The following DLEU7 variants were observed in gnomAD, a reference collection of about 807,000 sequenced individuals.
DLEU7 encodes leukemia-associated protein 7.
In DLEU7, 17 loss-of-function variants were observed where a neutral mutation model predicts 16.0. The ratio of observed to expected loss-of-function variants is 1.06; its 90% CI spans 0.73 to 1.59. The LOEUF is 1.59. DLEU7 is among the 40% of genes most tolerant of loss of function. The pLI, the probability that DLEU7 is intolerant of heterozygous loss-of-function variation, is 0.00. For synonymous variants in DLEU7, 113 were observed against 139.8 expected, an observed-to-expected ratio of 0.81 and a Z score of 1.35; for missense variants, 308 against 314.9, an observed-to-expected ratio of 0.98 and a Z score of 0.17.
At chr13:50,789,011 A>G (rs1424909849) in intron 1 of DLEU7, among the ~76,000 whole-genome samples, 3 of 152,140 alleles carry the variant, frequency 2.0e-5, no homozygotes, top group Non-Finnish European at 2.9e-5. Flanking sequence ...GCTGTAAATA[A>G]TGGCTTCAAT....
At chr13:50,813,751 A>C (rs1876640373) in intron 1 of DLEU7, among the ~76,000 whole-genome samples, 1 of 152,152 alleles carries the variant, frequency 6.6e-6, no homozygotes, top group African/African-American at 2.4e-5. Flanking sequence ...AGGGATTACC[A>C]ATCTCACCTG....
At chr13:50,814,645 G>T (rs1311452618) in intron 1 of DLEU7, among the ~76,000 whole-genome samples, 1 of 146,312 alleles carries the variant, frequency 6.8e-6, no homozygotes, top group African/African-American at 2.5e-5. Flanking sequence ...TGATTGTGGT[G>T]GTAGTTATAC....
At chr13:50,803,814 T>C (rs1046396022) in intron 1 of DLEU7, among the ~76,000 whole-genome samples, 2 of 152,212 alleles carry the variant, frequency 1.3e-5, no homozygotes, top group African/African-American at 4.8e-5. Flanking sequence ...AGTGCTAGTC[T>C]ACTATGTGAG....
intron 1 of DLEU7, among the ~76,000 whole-genome samples, chr13:50,717,496 G>C (rs1298062056): frequency 6.6e-6 from 1 of 151,792 alleles, no homozygotes; most frequent in African/African-American, 2.4e-5. Flanking sequence ...AGTACATTTT[G>C]CAAACTGGAG....
At chr13:50,763,113 A>C (rs533822383) in intron 1 of DLEU7, among the ~76,000 whole-genome samples, 6 of 152,260 alleles carry the variant, frequency 3.9e-5, no homozygotes, top group African/African-American at 1.4e-4. Context: ...CTGCACGCAG[A>C]GGGACAATGA....
intron 1 of DLEU7, among the ~76,000 whole-genome samples, chr13:50,718,078 TTTTG>T (rs1225347105): frequency 1.3e-5 from 2 of 152,156 alleles, no homozygotes; most frequent in Non-Finnish European, 2.9e-5. Context: ...AATCAGAATA[TTTTG>T]TTTTACAAGA....
At chr13:50,732,232 T>C (rs1314848854) in intron 1 of DLEU7, among the ~76,000 whole-genome samples, 1 of 152,192 alleles carries the variant, frequency 6.6e-6, no homozygotes, top group Non-Finnish European at 1.5e-5. Context: ...TTCTACAAGC[T>C]AGGACAGGTT....
chr13:50,826,378 A>G (rs889388629), intron 1 of DLEU7, among the ~76,000 whole-genome samples: 1 of 152,202 alleles, frequency 6.6e-6, no homozygotes, highest in Non-Finnish European at 1.5e-5. Flanking sequence ...AAAGAAGCCC[A>G]TCCACTTCTA....
chr13:50,736,488 AC>A (rs1426733481), intron 1 of DLEU7, among the ~76,000 whole-genome samples: 1 of 152,158 alleles, frequency 6.6e-6, no homozygotes, highest in Non-Finnish European at 1.5e-5. Context: ...CTGCACATAT[AC>A]GCAGAACCTA....
exon 2 of DLEU7, chr13:50,713,074 A>G: frequency 1.1e-6 from 1 of 869,790 alleles, no homozygotes; most frequent in Non-Finnish European, 1.8e-6. Flanking sequence ...ATTGGAGACC[A>G]ATACGAAGGC....
chr13:50,725,405 T>A (rs1873738354), intron 1 of DLEU7, among the ~76,000 whole-genome samples: 1 of 152,184 alleles, frequency 6.6e-6, no homozygotes, highest in Admixed American at 6.5e-5. Context: ...CTGCTTAAGA[T>A]CTGAGGTTTG....
chr13:50,717,430 T>C (rs1873467931), intron 1 of DLEU7, among the ~76,000 whole-genome samples: 1 of 152,228 alleles, frequency 6.6e-6, no homozygotes, highest in African/African-American at 2.4e-5. Context: ...GAAAGGCAAC[T>C]ACACTCATTG....
At chr13:50,759,229 T>C (rs917365250) in intron 1 of DLEU7, among the ~76,000 whole-genome samples, 2 of 152,188 alleles carry the variant, frequency 1.3e-5, no homozygotes, top group African/African-American at 4.8e-5. Context: ...TTTAGAGATA[T>C]CTGGAAGGAA....
At chr13:50,791,162 G>A (rs1276550958) in intron 1 of DLEU7, among the ~76,000 whole-genome samples, 1 of 152,170 alleles carries the variant, frequency 6.6e-6, no homozygotes, top group Non-Finnish European at 1.5e-5. Context: ...AGAAACCTAT[G>A]AATACCATCA....
intron 1 of DLEU7, among the ~76,000 whole-genome samples, chr13:50,746,829 C>T (rs1427189236): frequency 6.6e-6 from 1 of 152,152 alleles, no homozygotes; most frequent in Non-Finnish European, 1.5e-5. Flanking sequence ...AGCATTCAAA[C>T]CCAAGCCTTG....
At chr13:50,754,058 T>A (rs1426797996) in intron 1 of DLEU7, among the ~76,000 whole-genome samples, 1 of 152,234 alleles carries the variant, frequency 6.6e-6, no homozygotes, top group African/African-American at 2.4e-5. Flanking sequence ...AATTTCAATT[T>A]TCTTAAATTT....
intron 1 of DLEU7, among the ~76,000 whole-genome samples, chr13:50,733,310 T>G (rs897857721): frequency 6.6e-6 from 1 of 152,182 alleles, no homozygotes; most frequent in African/African-American, 2.4e-5. Context: ...ATGTTTTAGA[T>G]TATTGCACAC....
chr13:50,819,869 T>A (rs554430227), downstream of DLEU7, among the ~76,000 whole-genome samples: 29 of 152,248 alleles, frequency 1.9e-4, no homozygotes, highest in African/African-American at 6.7e-4. Flanking sequence ...GCATCATTAG[T>A]GAATAGCCAG....
At chr13:50,738,508 G>A (rs973894476) in intron 1 of DLEU7, among the ~76,000 whole-genome samples, 4 of 152,022 alleles carry the variant, frequency 2.6e-5, no homozygotes, top group South Asian at 2.1e-4. Flanking sequence ...CCCAGGGTAG[G>A]CCCTCCTACT....
Sources: gnomAD v4.1 joint callset for allele counts (sites outside exome capture counted in the v4.1 genomes callset) on GRCh38, gnomAD v4.1.1 for gene constraint, MANE v1.5 for transcripts, NCBI Gene and HGNC (gene_info 2026-07-23, HGNC 2026-07-21) for gene names.